Variants in DDHD1 observed in about 807,000 individuals in gnomAD.
The protein encoded by DDHD1 is DDHD domain containing 1.
DDHD1 carries 49 observed loss-of-function variants against 96.4 expected under a neutral mutation model. The ratio of observed to expected loss-of-function variants is 0.51; its 90% CI spans 0.40 to 0.64. The LOEUF (loss-of-function observed/expected upper bound fraction) is 0.64. DDHD1 is among the 30% of genes least tolerant of loss of function. The pLI is 0.00. For synonymous variants in DDHD1, 442 were observed against 446.5 expected (o/e 0.99, Z 0.13); for missense variants, 1,106 against 1,161.2 (o/e 0.95, Z 0.69).
chr14:53,115,403 G>A (rs545735969), intron 1 of DDHD1, among the ~76,000 whole-genome samples: 1 of 152,218 alleles, frequency 6.6e-6, no homozygotes, highest in East Asian at 1.9e-4. Flanking sequence ...CTCAAGAAGA[G>A]CAACCCCAAG....
At position 53,084,645 on chromosome 14, in the gene DDHD1, T is replaced by C. The variant is rs188415410; in HGVS notation, c.1289+7140A>G. Among the ~76,000 whole-genome samples, 5 of 152,254 alleles carry C rather than the reference T, an allele frequency of 3.3e-5. No homozygotes were observed. In the East Asian group the frequency reaches 9.7e-4, roughly 29 times the overall value. ...AGGTTTTTTCTTTAAAAAGTTGAATTGTGAGGTCTTTTCCAAGATGGTCAA... is the reference window on the plus strand; with the variant it reads ...AGGTTTTTTCTTTAAAAAGTTGAATCGTGAGGTCTTTTCCAAGATGGTCAA... On this transcript the variant is annotated intron_variant, in intron 4 of 12. Transcript: ENST00000673822.
At chr14:53,075,155 T>G (rs923103933) in intron 4 of DDHD1, among the ~76,000 whole-genome samples, 8 of 152,016 alleles carry the variant, frequency 5.3e-5, no homozygotes, top group Non-Finnish European at 8.8e-5. Flanking sequence ...ATCTCTCACT[T>G]CAAATAAAAA....
At chr14:53,111,124 GT>G (rs1435518376) in intron 1 of DDHD1, among the ~76,000 whole-genome samples, 2 of 152,218 alleles carry the variant, frequency 1.3e-5, no homozygotes, top group Non-Finnish European at 2.9e-5. Context: ...AAATGCTTGA[GT>G]GGATCTCATG....
chr14:53,142,628 G>T (rs1310293883), intron 1 of DDHD1, among the ~76,000 whole-genome samples: 2 of 152,220 alleles, frequency 1.3e-5, no homozygotes, highest in Non-Finnish European at 2.9e-5. Flanking sequence ...TTGGTGACAG[G>T]ATCTGCATAC....
chr14:53,078,562 C>A (rs114858486), intron 4 of DDHD1, among the ~76,000 whole-genome samples: 1,594 of 152,272 alleles, frequency 0.01, 32 homozygotes, highest in African/African-American at 0.035. Context: ...CTAATATTTT[C>A]TCCCATTCTG....
intron 1 of DDHD1, among the ~76,000 whole-genome samples, chr14:53,129,569 C>T (rs1358984213): frequency 6.6e-6 from 1 of 152,156 alleles, no homozygotes; most frequent in Non-Finnish European, 1.5e-5. Context: ...CGTGGGGATG[C>T]CTGCCTTGAA....
chr14:53,036,934 C>G lies in DDHD1; in HGVS notation c.*9834G>C, dbSNP rs946876008. 1 of 152,126 alleles carries G rather than the reference C, an allele frequency of 6.6e-6. No homozygotes were observed. The highest frequency in any genetic ancestry group is 1.5e-5 in the Non-Finnish European group (1 of 68,048). The allele number at this position is 152,126 out of a possible 1,614,324, so 9.4% of individuals were successfully genotyped here. On this transcript the variant is annotated 3_prime_UTR_variant, in exon 13 of 13. Coordinates refer to ENST00000673822, the MANE Select transcript of DDHD1 (RefSeq NM_001160148.2). ...TTTTTCAACCTATCCTTCTGCCCTC[C>G]TCACCCACAGTGTTCCAGTCTGCAG...
chr14:53,099,913 T>TAC (rs1489864915), intron 2 of DDHD1, among the ~76,000 whole-genome samples: 1 of 152,182 alleles, frequency 6.6e-6, no homozygotes, highest in Non-Finnish European at 1.5e-5. Context: ...TACAAAGAGT[T>TAC]ACACACTGTA....
chr14:53,062,805 T>C lies in DDHD1; in HGVS notation c.1766+138A>G, dbSNP rs189093204. ...TGAAAATCAACAGTCTCCAGCTTGATTAGGCATGCTATATAGTAATCTTTG... is the reference window on the plus strand; with the variant it reads ...TGAAAATCAACAGTCTCCAGCTTGACTAGGCATGCTATATAGTAATCTTTG... On this transcript the variant is annotated intron_variant, in intron 7 of 12. Transcript: ENST00000673822. The C allele has an allele frequency of 4.5e-4, 365 of 815,190 alleles. No individual in the cohort carries two copies. In the African/African-American group the frequency reaches 6.0e-3, roughly 13 times the overall value. 50.5% of individuals were successfully genotyped at this position (815,190 alleles called of 1,614,324 possible). A position where few individuals can be genotyped will look rare whatever the true frequency, so the allele number is the denominator to read the frequency against.
chr14:53,077,348 A>T (rs958503516), intron 4 of DDHD1, among the ~76,000 whole-genome samples: 7 of 152,190 alleles, frequency 4.6e-5, no homozygotes, highest in African/African-American at 1.7e-4. Context: ...ATAGGCTTAT[A>T]CTTCTAGAAA....
chr14:53,060,279 T>A (rs182696177), intron 8 of DDHD1, among the ~76,000 whole-genome samples: 2 of 152,330 alleles, frequency 1.3e-5, no homozygotes, highest in Admixed American at 1.3e-4. Flanking sequence ...TCCTTTCCAA[T>A]AGTCTAGTCA....
chr14:53,146,019 C>G (rs370671090), intron 1 of DDHD1, among the ~76,000 whole-genome samples: 1 of 151,914 alleles, frequency 6.6e-6, no homozygotes, highest in African/African-American at 2.4e-5. Context: ...CCAGCCTGAC[C>G]AACATAGTGA....
At chr14:53,115,334 C>T (rs1888458980) in intron 1 of DDHD1, among the ~76,000 whole-genome samples, 1 of 152,132 alleles carries the variant, frequency 6.6e-6, no homozygotes, top group South Asian at 2.1e-4. Context: ...CTTCCCCAGC[C>T]TAGCAAGGCA....
intron 1 of DDHD1, among the ~76,000 whole-genome samples, chr14:53,151,977 C>A (rs985007402): frequency 6.6e-6 from 1 of 152,186 alleles, no homozygotes; most frequent in African/African-American, 2.4e-5. Flanking sequence ...GCTGCGGATC[C>A]GGTCCTGGAT....
At chr14:53,049,377 A>T (rs1882331087) in intron 12 of DDHD1, among the ~76,000 whole-genome samples, 1 of 152,184 alleles carries the variant, frequency 6.6e-6, no homozygotes, top group Non-Finnish European at 1.5e-5. Context: ...AGTGCAGTGG[A>T]CCTCACATCT....
chr14:53,108,082 T>A (rs2139742439), intron 1 of DDHD1, among the ~76,000 whole-genome samples: 1 of 152,258 alleles, frequency 6.6e-6, no homozygotes, highest in East Asian at 1.9e-4. Context: ...TGCACTCTTT[T>A]CTGGTCCGTG....
In DDHD1 at chr14:53,058,519, A is replaced by C. The variant is rs780018057; in HGVS notation, c.1950T>G (p.Ile650Met). Residue 650 changes from isoleucine (I) to methionine (M), a missense_variant, in exon 9 of 13, where the codon ATT (isoleucine) becomes ATG (methionine). Around this residue, in one of 2 missense-constraint regions of DDHD1, gnomAD observed 650 missense variants for 758.8 expected, o/e 0.86. Coordinates refer to ENST00000673822, the MANE Select transcript of DDHD1 (RefSeq NM_001160148.2). ...GSQDHILPREICNRLLNIFHP... is the reference protein window; with the variant it reads ...GSQDHILPREMCNRLLNIFHP... ...GAAAAATATTTAGTAACCGGTTACA[A>C]ATCTCTCTAGGCAAAATATGGTCTT... 6.2e-7 allele frequency: 1 copy of C among 1,613,620 alleles called. No individual in the cohort carries two copies. The highest frequency in any genetic ancestry group is 2.2e-5 in the East Asian group (1 of 44,864).
At chr14:53,127,479 A>T (rs767546115) in intron 1 of DDHD1, among the ~76,000 whole-genome samples, 5 of 152,244 alleles carry the variant, frequency 3.3e-5, no homozygotes, top group Non-Finnish European at 5.9e-5. Context: ...TAAACTACAA[A>T]ATCTCATGCC....
intron 12 of DDHD1, among the ~76,000 whole-genome samples, chr14:53,050,314 G>T (rs1229904593): frequency 6.6e-6 from 1 of 152,142 alleles, no homozygotes; most frequent in Non-Finnish European, 1.5e-5. Context: ...CGATTAAAAG[G>T]GAGTAGTTCT....
Sources: allele counts gnomAD v4.1 joint callset (sites outside exome capture counted in the v4.1 genomes callset), GRCh38; gene constraint gnomAD v4.1.1; regional missense constraint gnomAD v4.1.1; transcripts MANE v1.5; gene names NCBI Gene and HGNC (gene_info 2026-07-23, HGNC 2026-07-21).